The following CNOT4 variants were observed in gnomAD, a reference collection of about 807,000 sequenced individuals.
CNOT4 encodes CCR4-associated factor 4.
A neutral mutation model predicts 73.8 loss-of-function variants in CNOT4; 8 were observed. The observed-to-expected ratio is 0.11, with a 90% CI of 0.06 to 0.20. CNOT4 has a LOEUF of 0.20. Ranked by LOEUF, CNOT4 falls within the 10% of genes least tolerant of loss-of-function variation. The probability of loss-of-function intolerance (pLI) is 1.00; values close to 1 mark genes in which losing one functional copy is unlikely to be tolerated. For synonymous variants in CNOT4, 293 were observed against 321.1 expected, an observed-to-expected ratio of 0.91 and a Z score of 0.94; for missense variants, 564 against 883.4, an observed-to-expected ratio of 0.64 and a Z score of 4.58.
At position 135,363,137 on chromosome 7, in the gene CNOT4, A is replaced by G. The variant is rs550455132; in HGVS notation, c.1890T>C (p.Asn630=). 2.7e-5 allele frequency: 44 copies of G among 1,613,736 alleles called. No homozygotes were observed. Among genetic ancestry groups the G allele is most frequent in the Non-Finnish European group, 3.6e-5 (43 of 1,180,002 alleles). The change falls in exon 12 of 12, where the codon AAT becomes AAC. Residue 630 remains asparagine, a synonymous_variant. Transcript: ENST00000541284. This position sits in a 1 kb window ranked among gnomAD's most constrained non-coding sequence, Gnocchi z 4.3. ...GNSLDSLQDD[N]PPHWLKSLQA... ...GAAGGGATTTTAGCCAGTGTGGAGG[A>G]TTGTCATCTTGAAGAGAGTCTAAAC...
rs937789839 is a variant in CNOT4, at chr7:135,463,602, C to T, written c.-92-25179G>A. ...CCGTGGAAGACAACCTAGACAAATA[C>T]CATCCTGGATGTAGGAACCGGCAAA... On this transcript the variant is annotated intron_variant, in intron 1 of 11. Coordinates refer to ENST00000541284, the MANE Select transcript of CNOT4 (RefSeq NM_001190850.2). Among the ~76,000 whole-genome samples the T allele has an allele frequency of 2.4e-4, 35 of 146,806 alleles. 1 individual carries two copies. Among genetic ancestry groups the T allele is most frequent in the African/African-American group, 6.5e-4 (26 of 40,012 alleles).
chr7:135,448,363 T>C (rs2129485780), intron 1 of CNOT4, among the ~76,000 whole-genome samples: 1 of 151,880 alleles, frequency 6.6e-6, no homozygotes, highest in Non-Finnish European at 1.5e-5. Context: ...GCCAACATGG[T>C]GAAACTCCAT....
intron 10 of CNOT4, 58 bp downstream of exon 10, chr7:135,393,860 C>T: frequency 8.0e-7 from 1 of 1,254,652 alleles, no homozygotes; most frequent in Non-Finnish European, 1.1e-6. Flanking sequence ...CCCTATCCAC[C>T]CAACAACCTG....
chr7:135,422,804 A>C (rs1210233502), intron 2 of CNOT4, among the ~76,000 whole-genome samples: 1 of 152,230 alleles, frequency 6.6e-6, no homozygotes, highest in East Asian at 1.9e-4. Context: ...ATTTGTTCTT[A>C]AAGCAATTAT....
intron 7 of CNOT4, among the ~76,000 whole-genome samples, chr7:135,409,563 G>A (rs961603639): frequency 6.6e-6 from 1 of 151,956 alleles, no homozygotes; most frequent in Non-Finnish European, 1.5e-5. Flanking sequence ...AATAATCCAT[G>A]TAGTTATTAT....
intron 3 of CNOT4, among the ~76,000 whole-genome samples, chr7:135,416,606 A>G (rs2129484278): frequency 6.6e-6 from 1 of 152,310 alleles, no homozygotes; most frequent in African/African-American, 2.4e-5. Context: ...TTGGAACTGC[A>G]TTCAATATTC....
chr7:135,418,697 T>C (rs970998654), intron 3 of CNOT4, among the ~76,000 whole-genome samples: 11 of 152,158 alleles, frequency 7.2e-5, no homozygotes, highest in African/African-American at 2.2e-4. Context: ...TTTAAAGTCA[T>C]AGCTCATCAA....
intron 1 of CNOT4, among the ~76,000 whole-genome samples, chr7:135,496,628 A>G (rs1369782137): frequency 6.8e-6 from 1 of 147,356 alleles, no homozygotes; most frequent in East Asian, 2.0e-4. Flanking sequence ...GAATCTTCCT[A>G]TTCCTCTCTC....
intron 1 of CNOT4, among the ~76,000 whole-genome samples, chr7:135,495,674 AAAAAAAAAAAAAAAAAAAAGAAAG>A (rs1803454124): frequency 1.2e-5 from 1 of 81,738 alleles, no homozygotes; most frequent in Non-Finnish European, 2.4e-5. Flanking sequence ...TGTGTCAAAA[AAAAAAAAAAAAAAAAAAAAGAAAG>A]AAAGAAAGAA....
intron 1 of CNOT4, among the ~76,000 whole-genome samples, chr7:135,469,324 T>C (rs1801426985): frequency 6.6e-6 from 1 of 152,180 alleles, no homozygotes; most frequent in Non-Finnish European, 1.5e-5. Flanking sequence ...AGTATTTAAA[T>C]ATTTGAGAAT....
intron 10 of CNOT4, among the ~76,000 whole-genome samples, chr7:135,369,837 T>G (rs1257904532): frequency 6.6e-6 from 1 of 152,194 alleles, no homozygotes; most frequent in Non-Finnish European, 1.5e-5. Flanking sequence ...CTAAACTTCC[T>G]CAAACCTCAA....
intron 2 of CNOT4, among the ~76,000 whole-genome samples, chr7:135,422,844 G>A (rs1798266369): frequency 6.6e-6 from 1 of 152,142 alleles, no homozygotes; most frequent in Non-Finnish European, 1.5e-5. Flanking sequence ...TAATCTCTCA[G>A]TATAATACTA....
intron 1 of CNOT4, among the ~76,000 whole-genome samples, chr7:135,471,657 G>A (rs1454944579): frequency 1.3e-5 from 2 of 152,152 alleles, no homozygotes; most frequent in Non-Finnish European, 2.9e-5. Flanking sequence ...TTATCAGCTG[G>A]TCGGAGATAA....
intron 10 of CNOT4, chr7:135,387,228 C>T: frequency 1.0e-6 from 1 of 984,830 alleles, no homozygotes. Flanking sequence ...AAAGTCACTT[C>T]TAGATAGAAA....
chr7:135,403,795 T>C (rs558875865), intron 7 of CNOT4, among the ~76,000 whole-genome samples: 83 of 152,198 alleles, frequency 5.5e-4, no homozygotes, highest in Non-Finnish European at 9.6e-4. Flanking sequence ...AGTCAAAATA[T>C]GGACATCTAC....
intron 10 of CNOT4, among the ~76,000 whole-genome samples, chr7:135,366,687 A>C (rs1794933973): frequency 6.6e-6 from 1 of 152,200 alleles, no homozygotes; most frequent in Non-Finnish European, 1.5e-5. Context: ...TAAAGCTGCA[A>C]GTGTTACAGG....
chr7:135,487,822 G>C (rs1802830049), intron 1 of CNOT4, among the ~76,000 whole-genome samples: 1 of 152,192 alleles, frequency 6.6e-6, no homozygotes, highest in African/African-American at 2.4e-5. Flanking sequence ...GGGAGGCCAA[G>C]GCAGGCGGAT....
At chr7:135,422,546 T>A (rs1798250546) in intron 2 of CNOT4, among the ~76,000 whole-genome samples, 193 bp from the exon 3 acceptor site, 1 of 152,110 alleles carries the variant, frequency 6.6e-6, no homozygotes, top group South Asian at 2.1e-4. Flanking sequence ...TAATAAAAAA[T>A]TTTTTGGAGC....
At chr7:135,484,837 A>G (rs908636397) in intron 1 of CNOT4, among the ~76,000 whole-genome samples, 1 of 152,166 alleles carries the variant, frequency 6.6e-6, no homozygotes, top group Non-Finnish European at 1.5e-5. Context: ...TTAAAATACA[A>G]TGCTATTCAC....
Sources: allele counts gnomAD v4.1 joint callset (sites outside exome capture counted in the v4.1 genomes callset), GRCh38; gene constraint gnomAD v4.1.1; non-coding constraint Gnocchi (gnomAD v3.1); transcripts MANE v1.5; gene names NCBI Gene and HGNC (gene_info 2026-07-23, HGNC 2026-07-21).